The following DDR2 variants were observed in gnomAD, a reference collection of about 807,000 sequenced individuals.
The protein encoded by DDR2 is discoidin domain-containing receptor 2.
A neutral mutation model predicts 94.9 loss-of-function variants in DDR2; 27 were observed. The observed-to-expected ratio is 0.28, with a 90% confidence interval of 0.21 to 0.39. The LOEUF (loss-of-function observed/expected upper bound fraction) is 0.39. Ranked by LOEUF, DDR2 falls within the 10% of genes least tolerant of loss-of-function variation. DDR2 has a pLI of 1.00. For missense variants in DDR2, 783 were observed against 1,076.0 expected (o/e 0.73, Z 3.81); for synonymous variants, 382 against 377.2 (o/e 1.01, Z -0.15).
chr1:162,715,506 A>C (rs1352557649), intron 2 of DDR2, among the ~76,000 whole-genome samples: 1 of 152,182 alleles, frequency 6.6e-6, no homozygotes, highest in African/African-American at 2.4e-5. Flanking sequence ...AGTGTGACTG[A>C]GGTGGAGAGG....
At chr1:162,764,901 A>G (rs1159241072) in intron 9 of DDR2, among the ~76,000 whole-genome samples, 2 of 152,154 alleles carry the variant, frequency 1.3e-5, no homozygotes, top group African/African-American at 4.8e-5. Context: ...TTAAGGGAAA[A>G]AAATTTCAAG....
chr1:162,729,293 TATATATA>T (rs199756101), intron 3 of DDR2, among the ~76,000 whole-genome samples: 5 of 21,628 alleles, frequency 2.3e-4, no homozygotes, highest in South Asian at 1.3e-3. Context: ...TATATATATA[TATATATA>T]TTTTTTTTTT....
At chr1:162,704,365 G>A (rs1314778012) in intron 2 of DDR2, among the ~76,000 whole-genome samples, 1 of 152,100 alleles carries the variant, frequency 6.6e-6, no homozygotes, top group Non-Finnish European at 1.5e-5. Context: ...GAGTGTGCAT[G>A]AACCTTATTC....
intron 3 of DDR2, among the ~76,000 whole-genome samples, chr1:162,750,695 C>G (rs1213221309): frequency 2.0e-5 from 3 of 152,158 alleles, no homozygotes; most frequent in African/African-American, 7.2e-5. Flanking sequence ...CAAGACAATC[C>G]TAAGCCAAAA....
intron 2 of DDR2, among the ~76,000 whole-genome samples, chr1:162,676,198 T>C (rs1317400106): frequency 6.6e-6 from 1 of 151,924 alleles, no homozygotes; most frequent in East Asian, 1.9e-4. Flanking sequence ...ACCTATTTGG[T>C]CTAAAGGCTC....
chr1:162,752,805 A>G (rs748224892), intron 3 of DDR2, among the ~76,000 whole-genome samples: 1 of 152,210 alleles, frequency 6.6e-6, no homozygotes, highest in South Asian at 2.1e-4. Flanking sequence ...ATTACCAAGT[A>G]CAAAGCATAA....
chr1:162,755,629 C>T (rs1663426354), intron 6 of DDR2, 35 bp from the exon 7 acceptor site: 1 of 1,580,988 alleles, frequency 6.3e-7, no homozygotes, highest in Non-Finnish European at 8.7e-7. Context: ...TGGGCCTGAG[C>T]AGTAGGCACT....
intron 3 of DDR2, among the ~76,000 whole-genome samples, chr1:162,722,346 G>C (rs1661463215): frequency 6.6e-6 from 1 of 152,200 alleles, no homozygotes; most frequent in Admixed American, 6.5e-5. Context: ...AGTCTTTGTG[G>C]GAAATGCTGA....
intron 3 of DDR2, among the ~76,000 whole-genome samples, chr1:162,729,126 G>A (rs1661868517): frequency 6.6e-6 from 1 of 150,602 alleles, no homozygotes; most frequent in Non-Finnish European, 1.5e-5. Flanking sequence ...GGAAGAAAGA[G>A]AAAAAAACTC....
intron 11 of DDR2, among the ~76,000 whole-genome samples, chr1:162,769,545 C>G (rs533093951): frequency 7.2e-5 from 11 of 152,320 alleles, no homozygotes; most frequent in African/African-American, 2.6e-4. Flanking sequence ...GAAAAGTGCA[C>G]ATCTAAGTTT....
intron 3 of DDR2, among the ~76,000 whole-genome samples, chr1:162,742,424 C>T (rs1662657859): frequency 6.6e-6 from 1 of 152,202 alleles, no homozygotes; most frequent in Non-Finnish European, 1.5e-5. Context: ...GAAGTGGGAG[C>T]AGGCATGTCA....
At chr1:162,777,298 A>G (rs1420473841) in intron 16 of DDR2, among the ~76,000 whole-genome samples, 1 of 152,100 alleles carries the variant, frequency 6.6e-6, no homozygotes, top group East Asian at 1.9e-4. Context: ...TGTAATTTAT[A>G]TTACATAATT....
chr1:162,751,760 A>G (rs1371720166), intron 3 of DDR2, among the ~76,000 whole-genome samples: 2 of 152,244 alleles, frequency 1.3e-5, no homozygotes, highest in African/African-American at 4.8e-5. Flanking sequence ...ATGTCCATCA[A>G]TGATAGACTG....
At chr1:162,763,079 C>T (rs1044183455) in intron 9 of DDR2, among the ~76,000 whole-genome samples, 5 of 152,020 alleles carry the variant, frequency 3.3e-5, no homozygotes, top group African/African-American at 4.8e-5. Flanking sequence ...TCAAGTGATC[C>T]GCCTGCCTTG....
rs951456307 is a variant in DDR2 at position 162,780,913 on chromosome 1, A to G, written c.*667A>G. ...ATATGAAACAACTGGGGATGTAGAT[A>G]GGAAAGAATGTCTGCTGCAAGAGTG... On this transcript the variant is annotated 3_prime_UTR_variant, in exon 18 of 18. Coordinates refer to ENST00000367921, the MANE Select transcript of DDR2 (RefSeq NM_006182.4). The G allele has an allele frequency of 6.6e-6, 1 of 152,576 alleles. No individual in the cohort carries two copies. The highest frequency in any genetic ancestry group is 1.5e-5 in the Non-Finnish European group (1 of 68,414). The allele number at this position is 152,576 out of a possible 1,614,324, so 9.5% of individuals were successfully genotyped here. A position where few individuals can be genotyped will look rare whatever the true frequency, so the allele number is the denominator to read the frequency against.
intron 12 of DDR2, 186 bp downstream of exon 12, chr1:162,770,698 G>A (rs965745338): frequency 4.0e-5 from 29 of 727,988 alleles, no homozygotes; most frequent in Non-Finnish European, 6.3e-5. Flanking sequence ...ACTCTCCTTT[G>A]CTACTGAATA....
At chr1:162,680,317 A>AT (rs79831201) in intron 2 of DDR2, among the ~76,000 whole-genome samples, 2 of 152,194 alleles carry the variant, frequency 1.3e-5, no homozygotes, top group East Asian at 3.8e-4. Context: ...TATGTGGTAT[A>AT]TAAGATAGGG....
intron 2 of DDR2, among the ~76,000 whole-genome samples, chr1:162,710,120 T>C (rs1297187364): frequency 6.6e-6 from 1 of 152,196 alleles, no homozygotes; most frequent in Non-Finnish European, 1.5e-5. Flanking sequence ...TCTTGTCTTC[T>C]TAGAAAGGAG....
intron 1 of DDR2, among the ~76,000 whole-genome samples, chr1:162,652,097 G>A (rs1295477719): frequency 2.0e-5 from 3 of 152,188 alleles, no homozygotes; most frequent in African/African-American, 7.2e-5. Flanking sequence ...TTCTGACTCT[G>A]CCCTTGTTGG....
Sources: gnomAD v4.1 joint callset for allele counts (sites outside exome capture counted in the v4.1 genomes callset) on GRCh38, gnomAD v4.1.1 for gene constraint, MANE v1.5 for transcripts, NCBI Gene and HGNC (gene_info 2026-07-23, HGNC 2026-07-21) for gene names.